VDAC3: variants seen among roughly 807,000 people sequenced by gnomAD.
VDAC3 encodes the protein non-selective voltage-gated ion channel VDAC3.
In VDAC3, 7 loss-of-function variants were observed where a neutral mutation model predicts 33.9. That is an observed-to-expected ratio of 0.21 (90% CI 0.12 to 0.39). VDAC3 has a LOEUF of 0.39. Among genes scored for constraint, VDAC3 ranks in the 10% least tolerant of loss-of-function variants. The pLI, the probability that VDAC3 is intolerant of heterozygous loss-of-function variation, is 1.00. For synonymous variants in VDAC3, 100 were observed against 122.4 expected (o/e 0.82, Z 1.21); for missense variants, 261 against 334.5 (o/e 0.78, Z 1.71).
At chr8:42,403,133 C>T in intron 7 of VDAC3, 178 bp from the exon 8 acceptor site, 1 of 645,970 alleles carries the variant, frequency 1.5e-6, no homozygotes. Flanking sequence ...GCAGTCATTA[C>T]TGGCATAGCT....
chr8:42,404,935 GAATTAGT>G lies in VDAC3; in HGVS notation c.760+14_760+20del. ...AGACCCTTCGACCAGGTAAGTAAAG[GAATTAGT>G]AACAGAGGGGTTGAGGTGGAAGGTG... is the stretch of plus-strand genomic sequence containing the variant. On this transcript the variant is annotated intron_variant, in intron 9 of 9. Coordinates refer to ENST00000022615, the MANE Select transcript of VDAC3 (RefSeq NM_005662.7). 1.2e-6 allele frequency: 2 copies of G among 1,612,946 alleles called. No homozygotes were observed. Among genetic ancestry groups the G allele is most frequent in the Non-Finnish European group, 8.5e-7 (1 of 1,179,198 alleles).
chr8:42,398,066 T>C lies in VDAC3; in HGVS notation c.118-646T>C, dbSNP rs539563692. Among the ~76,000 whole-genome samples, 12 of 152,350 alleles carry C rather than the reference T, an allele frequency of 7.9e-5. No homozygotes were observed. The South Asian group carries it at 2.5e-3, about 32-fold the overall frequency. On this transcript the variant is annotated intron_variant, in intron 4 of 9. Transcript: ENST00000022615. ...AAATTAACTGATAGTTTGAAACATA[T>C]AGCAGAGAACTGATAATCTTTTTTT...
rs148611445 is a variant in VDAC3 at position 42,405,466 on chromosome 8, G to A, written c.*4G>A. 2 of 1,610,894 alleles carry A rather than the reference G, an allele frequency of 1.2e-6. No homozygotes were observed. Among genetic ancestry groups the A allele is most frequent in the East Asian group, 2.2e-5 (1 of 44,868 alleles). On this transcript the variant is annotated 3_prime_UTR_variant, in exon 10 of 10. Coordinates refer to ENST00000022615, the MANE Select transcript of VDAC3 (RefSeq NM_005662.7). ...GGGATTTGAACTGGAAGCTTAATGT[G>A]GTTTGAGGAAAGCATCAGATTTGTC...
At chr8:42,398,402 A>G (rs1585949974) in intron 4 of VDAC3, among the ~76,000 whole-genome samples, 1 of 151,858 alleles carries the variant, frequency 6.6e-6, no homozygotes, top group African/African-American at 2.4e-5. Context: ...AATTTTTTGT[A>G]TTTTTTGTAG....
At chr8:42,396,638 C>T (rs1380490653) in intron 4 of VDAC3, 1 of 685,330 alleles carries the variant, frequency 1.5e-6, no homozygotes, top group Admixed American at 2.3e-5. Flanking sequence ...AAAATTTTAT[C>T]TCCCTTTCAT....
chr8:42,402,127 C>A, intron 7 of VDAC3, 112 bp downstream of exon 7: 1 of 1,171,626 alleles, frequency 8.5e-7, no homozygotes, highest in Non-Finnish European at 1.2e-6. Context: ...GGTGAATATC[C>A]ATCCTTGCGG....
chr8:42,398,079 A>G (rs1802348694), intron 4 of VDAC3, among the ~76,000 whole-genome samples: 1 of 152,240 alleles, frequency 6.6e-6, no homozygotes, highest in South Asian at 2.1e-4. Flanking sequence ...CAGAGAACTG[A>G]TAATCTTTTT....
chr8:42,401,716 T>G (rs1420287694), intron 6 of VDAC3, 72 bp from the exon 7 acceptor site: 1 of 1,401,578 alleles, frequency 7.1e-7, no homozygotes, highest in Non-Finnish European at 1.0e-6. Context: ...GATCTTACTC[T>G]AAAAATTCCT....
Position 42,402,686 on chromosome 8 carries a change from A to G in VDAC3, c.552-625A>G, listed in dbSNP as rs1802435763. Among the ~76,000 whole-genome samples the G allele has an allele frequency of 3.3e-5, 5 of 152,236 alleles. No homozygotes were observed. In the South Asian group the frequency reaches 1.0e-3, roughly 31 times the overall value. On this transcript the variant is annotated intron_variant, in intron 7 of 9. Coordinates refer to ENST00000022615, the MANE Select transcript of VDAC3 (RefSeq NM_005662.7). ...ACTGTTGCAGATTCCTCTCTGCTAG[A>G]TGCTCTAATTTACTTATGATGGCTA...
chr8:42,403,611 C>A, intron 8 of VDAC3, 150 bp downstream of exon 8: 1 of 921,438 alleles, frequency 1.1e-6, no homozygotes, highest in South Asian at 2.0e-5. Flanking sequence ...TGGCCAGGCT[C>A]ACGCCTGTAT....
intron 4 of VDAC3, chr8:42,396,780 G>C (rs1802326475): frequency 1.6e-6 from 1 of 644,632 alleles, no homozygotes; most frequent in East Asian, 2.7e-5. Flanking sequence ...AAATTTCTTA[G>C]ATTGTGTCTT....
Position 42,400,409 on chromosome 8 carries a change from G to A in VDAC3, c.323+706G>A, listed in dbSNP as rs544868962. ...GCTGAAAAGTTAATTTCTTAAGAAG[G>A]TGATCTGGCTCTCAGATGCTATAAT... On this transcript the variant is annotated intron_variant, in intron 6 of 9. Coordinates refer to ENST00000022615, the MANE Select transcript of VDAC3 (RefSeq NM_005662.7). 8.6e-5 allele frequency among the ~76,000 whole-genome samples: 13 copies of A among 151,772 alleles called. No homozygotes were observed. The East Asian group carries it at 2.3e-3, about 27-fold the overall frequency.
intron 1 of VDAC3, 127 bp downstream of exon 1, chr8:42,392,055 G>GGGGGCC (rs1563419793): frequency 6.6e-6 from 1 of 152,172 alleles, no homozygotes; most frequent in Non-Finnish European, 1.5e-5. Flanking sequence ...CCGGGGCGCG[G>GGGGGCC]GGGGCCGGGG....
chr8:42,403,220 C>G, intron 7 of VDAC3, 91 bp from the exon 8 acceptor site: 12 of 1,471,804 alleles, frequency 8.2e-6, no homozygotes, highest in Non-Finnish European at 1.0e-5. Context: ...AAATGGGATC[C>G]TTGTTTAGAT....
Position 42,403,364 on chromosome 8 carries a change from T to C in VDAC3, c.605T>C (p.Ile202Thr), listed in dbSNP as rs373787238. ...ATCTACCAGAAGGTGAATGAGAAGA[T>C]TGAAACATCCATAAACCTTGCTTGG... ...GSIYQKVNEK[I>T]ETSINLAWTA... The change falls in exon 8 of 10, where the codon ATT (isoleucine) becomes ACT (threonine). Residue 202 changes from isoleucine (I) to threonine (T), a missense_variant. By Grantham distance (89) the Ile-to-Thr change is moderately conservative. Coordinates refer to ENST00000022615, the MANE Select transcript of VDAC3 (RefSeq NM_005662.7). 46 of 1,614,064 alleles carry C rather than the reference T, an allele frequency of 2.8e-5. No homozygotes were observed. In the East Asian group the frequency reaches 3.3e-4, roughly 12 times the overall value.
At chr8:42,401,063 A>T (rs1802407617) in intron 6 of VDAC3, among the ~76,000 whole-genome samples, 1 of 152,100 alleles carries the variant, frequency 6.6e-6, no homozygotes, top group Non-Finnish European at 1.5e-5. Context: ...TCTCTCCATG[A>T]TAGGTTAATA....
chr8:42,396,680 G>A, intron 4 of VDAC3: 1 of 690,582 alleles, frequency 1.4e-6, no homozygotes, highest in Non-Finnish European at 2.6e-6. Flanking sequence ...TCATTCAGAT[G>A]GTAAGAAAAA....
chr8:42,398,743 A>G lies in VDAC3; in HGVS notation c.149A>G (p.Asp50Gly). Residue 50 changes from aspartate (D) to glycine (G), a missense_variant, in exon 5 of 10, where the codon GAT becomes GGT. Coordinates refer to ENST00000022615, the MANE Select transcript of VDAC3 (RefSeq NM_005662.7). ...EFSTSGHAYT[D>G]TGKASGNLET... ...TCTACTTCTGGTCATGCTTACACTG[A>G]TACAGGGAAAGCATCAGGCAACCTA... The G allele has an allele frequency of 6.2e-7, 1 of 1,613,940 alleles. No homozygotes were observed. The highest frequency in any genetic ancestry group is 8.5e-7 in the Non-Finnish European group (1 of 1,179,992).
At chr8:42,395,167 A>G in intron 4 of VDAC3, 34 bp downstream of exon 4, 1 of 1,612,550 alleles carries the variant, frequency 6.2e-7, no homozygotes, top group Non-Finnish European at 8.5e-7. Flanking sequence ...TGAATGTAAC[A>G]TAATTAACTT....
Sources: gnomAD v4.1 joint callset for allele counts (sites outside exome capture counted in the v4.1 genomes callset) on GRCh38, gnomAD v4.1.1 for gene constraint, MANE v1.5 for transcripts, NCBI Gene and HGNC (gene_info 2026-07-23, HGNC 2026-07-21) for gene names.